Variants in BLTP1 observed in about 807,000 individuals in gnomAD.
The protein encoded by BLTP1 is bridge-like lipid transfer protein family member 1, also known as fragile site-associated protein.
chr4:122,268,745 A>G, the BLTP1 span, among the ~76,000 whole-genome samples: 4 of 152,136 alleles, frequency 2.6e-5, no homozygotes, highest in Non-Finnish European at 5.9e-5. Context: ...ATGGGGATTT[A>G]TTACAGAGAG....
the BLTP1 span, among the ~76,000 whole-genome samples, chr4:122,303,428 C>G: frequency 6.6e-6 from 1 of 152,192 alleles, no homozygotes; most frequent in Non-Finnish European, 1.5e-5. Flanking sequence ...ATGCCTAACA[C>G]ATTTCTTCTG....
chr4:122,200,720 G>A, the BLTP1 span: 34 of 979,684 alleles, frequency 3.5e-5, no homozygotes, highest in African/African-American at 4.6e-4. Context: ...TAGGGATGTC[G>A]GTTGTTACCC....
At chr4:122,188,031 A>G in the BLTP1 span, 1 of 1,586,328 alleles carries the variant, frequency 6.3e-7, no homozygotes. Context: ...GGAAAGCTTG[A>G]AAATGTTCGA....
At chr4:122,273,493 A>G in the BLTP1 span, 1 of 948,074 alleles carries the variant, frequency 1.1e-6, no homozygotes, top group Non-Finnish European at 1.3e-6. Context: ...ATATTTAAAA[A>G]AAAAAAATTG....
the BLTP1 span, chr4:122,302,355 T>A: frequency 1.3e-5 from 7 of 550,330 alleles, no homozygotes; most frequent in African/African-American, 1.2e-4. Context: ...GAGGTTTTTT[T>A]ATGAATTGAA....
the BLTP1 span, among the ~76,000 whole-genome samples, chr4:122,356,168 C>A: frequency 2.0e-5 from 3 of 151,998 alleles, no homozygotes; most frequent in Non-Finnish European, 4.4e-5. Flanking sequence ...CCAACTTATA[C>A]CTCTCTCTCC....
At chr4:122,328,203 C>A in the BLTP1 span, 3,646 of 1,611,308 alleles carry the variant, frequency 2.3e-3, 90 homozygotes, top group African/African-American at 0.043. Flanking sequence ...GTTCAGTTCT[C>A]CCAAAACTCC....
At chr4:122,348,263 CAG>C in the BLTP1 span, among the ~76,000 whole-genome samples, 1 of 152,078 alleles carries the variant, frequency 6.6e-6, no homozygotes, top group Admixed American at 6.6e-5. Flanking sequence ...CTTTGTTAAA[CAG>C]AATCCTAGGG....
chr4:122,189,041 C>T, the BLTP1 span: 2 of 984,680 alleles, frequency 2.0e-6, no homozygotes, highest in Non-Finnish European at 1.2e-6. Context: ...GGACTGTGCA[C>T]ACAAATGTGT....
chr4:122,193,617 T>C, the BLTP1 span: 3 of 733,096 alleles, frequency 4.1e-6, no homozygotes, highest in Non-Finnish European at 5.0e-6. Flanking sequence ...AGGGAGCATC[T>C]AAGTTTTTAT....
the BLTP1 span, chr4:122,192,264 G>A: frequency 6.2e-7 from 1 of 1,612,918 alleles, no homozygotes; most frequent in South Asian, 1.1e-5. Flanking sequence ...AAATATTGAA[G>A]GAGAAATGAG....
the BLTP1 span, chr4:122,243,687 A>C: frequency 1.8e-6 from 1 of 542,874 alleles, no homozygotes; most frequent in Non-Finnish European, 2.3e-6. Flanking sequence ...ACTGCACTCC[A>C]GCCTAGGTGA....
chr4:122,277,740 TG>T, the BLTP1 span: 4 of 982,060 alleles, frequency 4.1e-6, no homozygotes, highest in Non-Finnish European at 4.8e-6. Context: ...ATCAATTTCT[TG>T]TAACATAGTG....
the BLTP1 span, chr4:122,336,192 C>A: frequency 6.3e-7 from 1 of 1,581,244 alleles, no homozygotes; most frequent in Non-Finnish European, 8.6e-7. Flanking sequence ...AATGTTCTAG[C>A]CAAAGGAAAA....
the BLTP1 span, chr4:122,324,435 C>T: frequency 6.2e-7 from 1 of 1,608,476 alleles, no homozygotes; most frequent in Non-Finnish European, 8.5e-7. Flanking sequence ...AGGCTGCTTC[C>T]CTAAAGGATA....
chr4:122,184,963 C>T, the BLTP1 span: 1 of 984,240 alleles, frequency 1.0e-6, no homozygotes, highest in Non-Finnish European at 1.2e-6. Flanking sequence ...TTACGCCAGT[C>T]TTCATCAGGG....
the BLTP1 span, chr4:122,344,621 C>G: frequency 1.5e-6 from 2 of 1,306,914 alleles, no homozygotes; most frequent in Middle Eastern, 4.1e-4. Context: ...ATAATGGCCT[C>G]TGTTTTAATA....
the BLTP1 span, among the ~76,000 whole-genome samples, chr4:122,218,915 T>C: frequency 2.6e-5 from 4 of 152,228 alleles, no homozygotes; most frequent in African/African-American, 9.6e-5. Context: ...ATGTGAATTG[T>C]ACTAGTTACC....
chr4:122,298,293 A>G, the BLTP1 span: 1,359 of 756,808 alleles, frequency 1.8e-3, 15 homozygotes, highest in African/African-American at 0.025. Context: ...TTCCTAAATA[A>G]CCTGCACCAT....
Sources: allele counts gnomAD v4.1 joint callset (sites outside exome capture counted in the v4.1 genomes callset), GRCh38; gene constraint gnomAD v4.1.1; transcripts MANE v1.5; gene names NCBI Gene and HGNC (gene_info 2026-07-23, HGNC 2026-07-21).